Variants in HYDIN observed in about 807,000 individuals in gnomAD.
The protein encoded by HYDIN is HYDIN axonemal central pair apparatus protein.
A neutral mutation model predicts 403.9 loss-of-function variants in HYDIN; 132 were observed. The observed-to-expected ratio is 0.33, with a 90% confidence interval of 0.28 to 0.38. The LOEUF (loss-of-function observed/expected upper bound fraction) is 0.38, where lower values mean the gene tolerates loss of function less well. HYDIN is among the 10% of genes least tolerant of loss of function. The probability of loss-of-function intolerance (pLI) is 1.00; values close to 1 mark genes in which losing one functional copy is unlikely to be tolerated. For missense variants in HYDIN, 2,827 were observed against 5,009.5 expected (o/e 0.56, Z 13.15); for synonymous variants, 1,202 against 1,891.7 (o/e 0.64, Z 9.46).
chr16:71,203,821 T>A lies in HYDIN; in HGVS notation c.-23-16903A>T, dbSNP rs535433608. The stretch of plus-strand genomic sequence containing the variant: ...TAACAGAAAATAGTTCCCCAGCACA[T>A]TGGGAGGCCGAGGTGGGCAGATCAC... On this transcript the variant is annotated intron_variant, in intron 1 of 85. Coordinates refer to ENST00000393567, the MANE Select transcript of HYDIN (RefSeq NM_001270974.2). The A allele has an allele frequency of 6.6e-6, 3 of 455,632 alleles. No homozygotes were observed. In the Admixed American group the frequency reaches 7.0e-5, roughly 11 times the overall value. The allele number at this position is 455,632 out of a possible 1,614,324, so 28.2% of individuals were successfully genotyped here. A position where few individuals can be genotyped will look rare whatever the true frequency, so the allele number is the denominator to read the frequency against.
chr16:71,193,374 T>A (rs2087532768), intron 1 of HYDIN, among the ~76,000 whole-genome samples: 1 of 152,186 alleles, frequency 6.6e-6, no homozygotes, highest in South Asian at 2.1e-4. Context: ...AAGAGTTCAG[T>A]ATGTGTGATG....
chr16:70,951,266 G>GAC (rs2078061966), intron 41 of HYDIN, among the ~76,000 whole-genome samples: 1 of 151,198 alleles, frequency 6.6e-6, no homozygotes, highest in Non-Finnish European at 1.5e-5. Context: ...GAGAGAGAGA[G>GAC]AGAGAGAGAG....
chr16:70,891,292 G>A (rs13339299), intron 57 of HYDIN, among the ~76,000 whole-genome samples: 4,822 of 152,148 alleles, frequency 0.032, 225 homozygotes, highest in African/African-American at 0.11. Flanking sequence ...AGGTTCAAGC[G>A]ATTCTCCTGC....
At chr16:71,197,791 C>T (rs948322502) in intron 1 of HYDIN, among the ~76,000 whole-genome samples, 6 of 152,222 alleles carry the variant, frequency 3.9e-5, no homozygotes, top group Admixed American at 1.3e-4. Context: ...TTACCCACCC[C>T]GGCTGGAGTG....
intron 19 of HYDIN, among the ~76,000 whole-genome samples, chr16:71,030,566 G>A (rs1160858746): frequency 6.6e-6 from 1 of 151,660 alleles, no homozygotes; most frequent in Non-Finnish European, 1.5e-5. Flanking sequence ...CTGAGTAGCT[G>A]GGACTACACG....
At chr16:70,837,128 T>C (rs4985430) in intron 77 of HYDIN, among the ~76,000 whole-genome samples, 11,455 of 151,992 alleles carry the variant, frequency 0.075, 360 homozygotes, top group East Asian at 0.17. Flanking sequence ...AAGAAGGAAA[T>C]GAATGAGCAG....
At chr16:71,092,465 C>G (rs1247951338) in intron 11 of HYDIN, among the ~76,000 whole-genome samples, 4 of 152,206 alleles carry the variant, frequency 2.6e-5, no homozygotes, top group Non-Finnish European at 5.9e-5. Flanking sequence ...GTTACAATAT[C>G]TAGCACTACC....
intron 1 of HYDIN, among the ~76,000 whole-genome samples, chr16:71,210,164 G>A (rs563742705): frequency 2.6e-5 from 4 of 152,080 alleles, no homozygotes; most frequent in Non-Finnish European, 4.4e-5. Context: ...ACTGAGTATG[G>A]TCCCAAAGGA....
rs755283078 is a variant in HYDIN at position 70,810,024 on chromosome 16, A to G, written c.14659-17T>C. ...GAACGTGCCCTGGAAGAGAAAACAG[A>G]GGATCCTGTCATGCTGAAAGGCTAA... On this transcript the variant is annotated splice_polypyrimidine_tract_variant and intron_variant, in intron 84 of 85. Coordinates refer to ENST00000393567, the MANE Select transcript of HYDIN (RefSeq NM_001270974.2). 6.2e-7 allele frequency: 1 copy of G among 1,611,800 alleles called. No homozygotes were observed. The highest frequency in any genetic ancestry group is 8.5e-7 in the Non-Finnish European group (1 of 1,178,056).
At chr16:71,194,078 T>C (rs1467506840) in intron 1 of HYDIN, among the ~76,000 whole-genome samples, 1 of 152,262 alleles carries the variant, frequency 6.6e-6, no homozygotes, top group Non-Finnish European at 1.5e-5. Context: ...TAAATAAATA[T>C]AAACATTGCT....
intron 1 of HYDIN, among the ~76,000 whole-genome samples, chr16:71,211,056 C>A (rs980975908): frequency 1.3e-5 from 2 of 151,878 alleles, no homozygotes; most frequent in Non-Finnish European, 1.5e-5. Flanking sequence ...ATGATCAGAG[C>A]CTGCAAAAGA....
At chr16:71,175,817 T>C (rs2144640492) in intron 4 of HYDIN, 76 bp from the exon 5 acceptor site, 4 of 1,450,464 alleles carry the variant, frequency 2.8e-6, no homozygotes, top group South Asian at 2.3e-5. Flanking sequence ...ATCCATCAAC[T>C]ACTTACTAGA....
chr16:70,896,084 G>T lies in HYDIN; in HGVS notation c.9049-4C>A. On this transcript the variant is annotated splice_region_variant and splice_polypyrimidine_tract_variant and intron_variant, in intron 53 of 85. Transcript: ENST00000393567. ...GAAGATTTTCTGCATCTAAAACCTG[G>T]CAGGGAAAGGGAAAGTCTTCAGTAA... is the stretch of plus-strand genomic sequence containing the variant. The T allele has an allele frequency of 6.2e-7, 1 of 1,613,580 alleles. No homozygotes were observed. Among genetic ancestry groups the T allele is most frequent in the Non-Finnish European group, 8.5e-7 (1 of 1,179,852 alleles).
At chr16:70,942,977 CTT>C (rs2077728729) in intron 42 of HYDIN, among the ~76,000 whole-genome samples, 1 of 152,088 alleles carries the variant, frequency 6.6e-6, no homozygotes, top group Admixed American at 6.6e-5. Context: ...CAGTGCAAAT[CTT>C]AACATAAAAA....
intron 1 of HYDIN, among the ~76,000 whole-genome samples, chr16:71,193,304 T>C (rs926348592): frequency 2.0e-5 from 3 of 152,246 alleles, no homozygotes; most frequent in Non-Finnish European, 4.4e-5. Context: ...TTTTTCTTAA[T>C]TTAAAATGTC....
intron 25 of HYDIN, 176 bp downstream of exon 25, chr16:70,991,142 C>G (rs1233549783): frequency 1.1e-6 from 1 of 902,718 alleles, no homozygotes; most frequent in African/African-American, 1.7e-5. Context: ...CAAGTGTAGG[C>G]TCTCACTGAG....
At position 70,804,283 on chromosome 16, in the gene HYDIN, G is replaced by C. The variant is rs149721229; in HGVS notation, c.*3297C>G. On this transcript the variant is annotated 3_prime_UTR_variant, in exon 86 of 86. Transcript: ENST00000393567. ...GGACCCTAGACTCAGTGGTGTTATA[G>C]GACCAACACGTTTGTGTGCCCACTG... 1.8e-4 allele frequency among the ~76,000 whole-genome samples: 27 copies of C among 152,298 alleles called. No homozygotes were observed. The highest frequency in any genetic ancestry group is 6.5e-4 in the African/African-American group (27 of 41,562).
intron 32 of HYDIN, 105 bp downstream of exon 32, chr16:70,974,429 A>C: frequency 6.8e-7 from 1 of 1,465,046 alleles, no homozygotes; most frequent in Non-Finnish European, 9.1e-7. Context: ...GAATCCTTTT[A>C]GCTGATCCCA....
At chr16:71,222,966 CA>C (rs1173181529) in intron 1 of HYDIN, among the ~76,000 whole-genome samples, 1 of 152,056 alleles carries the variant, frequency 6.6e-6, no homozygotes, top group Non-Finnish European at 1.5e-5. Flanking sequence ...AGAACTACAA[CA>C]AACAATTCTA....
Sources: gnomAD v4.1 joint callset for allele counts (sites outside exome capture counted in the v4.1 genomes callset) on GRCh38, gnomAD v4.1.1 for gene constraint, MANE v1.5 for transcripts, NCBI Gene and HGNC (gene_info 2026-07-23, HGNC 2026-07-21) for gene names.